Variants in FGF12 observed in about 807,000 individuals in gnomAD.
FGF12 encodes the protein fibroblast growth factor 12.
In FGF12, 14 loss-of-function variants were observed where a neutral mutation model predicts 23.6. That is an observed-to-expected ratio of 0.59 (90% CI 0.39 to 0.93). FGF12 has a LOEUF of 0.93. Among genes scored for constraint, FGF12 ranks in the 40% least tolerant of loss-of-function variants. The pLI, the probability that FGF12 is intolerant of heterozygous loss-of-function variation, is 0.00. For missense variants in FGF12, 175 were observed against 217.8 expected (o/e 0.80, Z 1.24); for synonymous variants, 62 against 77.3 (o/e 0.80, Z 1.04).
intron 2 of FGF12, among the ~76,000 whole-genome samples, chr3:192,550,070 C>T (rs75218795): frequency 1.7e-3 from 264 of 151,978 alleles, no homozygotes; most frequent in African/African-American, 6.2e-3. Context: ...TATCTATACA[C>T]TCACACTTAT....
In FGF12 at chr3:192,592,041, T is replaced by C. The variant is rs572632442; in HGVS notation, c.13+135140A>G. ...CTACAGGCTGTGTAGGCAATACAAA[T>C]AGGTTAGGCAGGGGGAAAAAAAAAT... On this transcript the variant is annotated intron_variant, in intron 2 of 5. Transcript: ENST00000445105. Among the ~76,000 whole-genome samples, 4 of 151,806 alleles carry C rather than the reference T, an allele frequency of 2.6e-5. No homozygotes were observed. In the South Asian group the frequency reaches 8.5e-4, roughly 32 times the overall value.
intron 2 of FGF12, among the ~76,000 whole-genome samples, chr3:192,443,803 C>T (rs888790045): frequency 2.0e-5 from 3 of 152,184 alleles, no homozygotes; most frequent in Admixed American, 6.5e-5. Context: ...GGAAATTCCC[C>T]ATCATGGTCA....
chr3:192,378,226 T>C (rs1719658570), intron 2 of FGF12, among the ~76,000 whole-genome samples: 1 of 149,664 alleles, frequency 6.7e-6, no homozygotes, highest in Non-Finnish European at 1.5e-5. Context: ...TTCTCCCGCC[T>C]TAGCCTCCTG....
At chr3:192,177,253 T>G (rs1165975451) in intron 4 of FGF12, among the ~76,000 whole-genome samples, 3 of 152,220 alleles carry the variant, frequency 2.0e-5, no homozygotes, top group Admixed American at 6.5e-5. Flanking sequence ...ACTAGGAGCA[T>G]TGTAATGATC....
intron 2 of FGF12, among the ~76,000 whole-genome samples, chr3:192,452,024 C>T (rs1359217857): frequency 6.6e-6 from 1 of 151,914 alleles, no homozygotes; most frequent in East Asian, 1.9e-4. Context: ...TGGTAAGGAT[C>T]GCCAGTGCAA....
At chr3:192,412,110 A>G (rs1721217319) in intron 2 of FGF12, among the ~76,000 whole-genome samples, 1 of 152,256 alleles carries the variant, frequency 6.6e-6, no homozygotes, top group Non-Finnish European at 1.5e-5. Flanking sequence ...TCAAAGTGTC[A>G]GAGTTTAATG....
At chr3:192,441,077 A>G (rs543257030) in intron 2 of FGF12, among the ~76,000 whole-genome samples, 7 of 152,278 alleles carry the variant, frequency 4.6e-5, no homozygotes, top group Non-Finnish European at 8.8e-5. Context: ...ATAAAAAGAG[A>G]CTTATTTTGT....
chr3:192,232,510 C>T lies in FGF12; in HGVS notation c.229-61854G>A, dbSNP rs867259418. Among the ~76,000 whole-genome samples the T allele has an allele frequency of 9.3e-5, 10 of 107,918 alleles. No homozygotes were observed. The Middle Eastern group carries it at 0.014, about 153-fold the overall frequency. The allele number at this position is 107,918 out of a possible 152,430, so 70.8% of individuals were successfully genotyped here. On this transcript the variant is annotated intron_variant, in intron 4 of 5. Coordinates refer to ENST00000445105, the MANE Select transcript of FGF12 (RefSeq NM_004113.6). ...TTAATCAATGGTGGGCTCCCATGCA[C>T]GTGTATTTATTTATTTATTTATTTA...
intron 4 of FGF12, among the ~76,000 whole-genome samples, chr3:192,203,566 C>CTTTTTT (rs3071810): frequency 1.5e-5 from 2 of 130,420 alleles, no homozygotes; most frequent in Non-Finnish European, 1.6e-5. Flanking sequence ...TTTTTCTTTA[C>CTTTTTT]TTTTTTTTTT....
intron 2 of FGF12, among the ~76,000 whole-genome samples, chr3:192,469,724 A>C (rs1723115301): frequency 6.6e-6 from 1 of 152,214 alleles, no homozygotes; most frequent in South Asian, 2.1e-4. Flanking sequence ...GTAGTTGTGG[A>C]AACTGAAGGC....
At chr3:192,210,307 G>A (rs1717862948) in intron 4 of FGF12, among the ~76,000 whole-genome samples, 1 of 152,184 alleles carries the variant, frequency 6.6e-6, no homozygotes, top group Non-Finnish European at 1.5e-5. Flanking sequence ...ATTAAAAGAA[G>A]TCAGTAATTT....
At chr3:192,482,026 T>G (rs1420841033) in intron 2 of FGF12, among the ~76,000 whole-genome samples, 1 of 152,160 alleles carries the variant, frequency 6.6e-6, no homozygotes, top group African/African-American at 2.4e-5. Context: ...TAGTAACTAA[T>G]GGGGACTCCT....
intron 2 of FGF12, among the ~76,000 whole-genome samples, chr3:192,564,691 G>T (rs1712199871): frequency 6.6e-6 from 1 of 152,154 alleles, no homozygotes; most frequent in African/African-American, 2.4e-5. Flanking sequence ...CCCAAAATGG[G>T]CTATAGCAAG....
intron 2 of FGF12, among the ~76,000 whole-genome samples, chr3:192,395,764 A>G (rs1485305446): frequency 6.6e-6 from 1 of 152,212 alleles, no homozygotes; most frequent in African/African-American, 2.4e-5. Context: ...ATCTGAGAAG[A>G]TCTGGCAGAA....
intron 4 of FGF12, among the ~76,000 whole-genome samples, chr3:192,293,607 T>C (rs1395406249): frequency 6.6e-6 from 1 of 152,202 alleles, no homozygotes; most frequent in Non-Finnish European, 1.5e-5. Flanking sequence ...TATACTGGGC[T>C]TCTCAGGAAT....
At chr3:192,167,026 G>T (rs544329121) in intron 5 of FGF12, among the ~76,000 whole-genome samples, 1 of 152,016 alleles carries the variant, frequency 6.6e-6, no homozygotes, top group South Asian at 2.1e-4. Context: ...TCTACCAAAA[G>T]ATGTCAATCA....
intron 2 of FGF12, among the ~76,000 whole-genome samples, chr3:192,587,399 G>A (rs1246827351): frequency 1.3e-5 from 2 of 151,930 alleles, no homozygotes; most frequent in Non-Finnish European, 2.9e-5. Context: ...GTGGTAGTAG[G>A]AGGGTCTTTG....
intron 2 of FGF12, among the ~76,000 whole-genome samples, chr3:192,458,571 T>A (rs141604383): frequency 6.6e-6 from 1 of 152,144 alleles, no homozygotes; most frequent in African/African-American, 2.4e-5. Context: ...TTTTTCCCAT[T>A]TGGAATGGCT....
intron 3 of FGF12, among the ~76,000 whole-genome samples, chr3:192,340,275 T>A (rs1163015141): frequency 1.3e-5 from 2 of 152,138 alleles, no homozygotes; most frequent in South Asian, 4.1e-4. Context: ...TCACAATTTA[T>A]AGTTTTATTC....
Sources: allele counts gnomAD v4.1 joint callset (sites outside exome capture counted in the v4.1 genomes callset), GRCh38; gene constraint gnomAD v4.1.1; transcripts MANE v1.5; gene names NCBI Gene and HGNC (gene_info 2026-07-23, HGNC 2026-07-21).